PCNX2: variants seen among roughly 807,000 people sequenced by gnomAD.
The protein encoded by PCNX2 is pecanex 2.
In PCNX2, 168 loss-of-function variants were observed where a neutral mutation model predicts 223.8. That is an observed-to-expected ratio of 0.75 (90% CI 0.66 to 0.85). The LOEUF (loss-of-function observed/expected upper bound fraction) is 0.85. Among genes scored for constraint, PCNX2 ranks in the 40% least tolerant of loss-of-function variants. The pLI is 0.00. For synonymous variants in PCNX2, 1,006 were observed against 1,052.6 expected (o/e 0.96, Z 0.86); for missense variants, 2,507 against 2,675.5 (o/e 0.94, Z 1.39).
chr1:233,294,207 C>G (rs72751906), intron 1 of PCNX2, among the ~76,000 whole-genome samples: 2,242 of 152,284 alleles, frequency 0.015, 23 homozygotes, highest in Non-Finnish European at 0.024. Context: ...CAGGTCAAGA[C>G]AGACCTGTGG....
chr1:233,174,384 T>C (rs1558309912), intron 17 of PCNX2, among the ~76,000 whole-genome samples: 1 of 148,882 alleles, frequency 6.7e-6, no homozygotes, highest in African/African-American at 2.4e-5. Context: ...AAAATTTATA[T>C]ATAAATTTAT....
At chr1:233,225,969 G>GT (rs1558365354) in intron 10 of PCNX2, among the ~76,000 whole-genome samples, 2 of 152,062 alleles carry the variant, frequency 1.3e-5, no homozygotes, top group African/African-American at 4.8e-5. Context: ...CATGACTATA[G>GT]TTTTTTTCAT....
chr1:233,077,470 C>T (rs1558209545), intron 23 of PCNX2, among the ~76,000 whole-genome samples: 1 of 152,230 alleles, frequency 6.6e-6, no homozygotes, highest in African/African-American at 2.4e-5. Flanking sequence ...CCAGTGATAA[C>T]GTTAACTATC....
At chr1:232,992,168 C>T (rs1438319987) in intron 32 of PCNX2, among the ~76,000 whole-genome samples, 1 of 152,208 alleles carries the variant, frequency 6.6e-6, no homozygotes, top group Non-Finnish European at 1.5e-5. Context: ...TGACCCTCTG[C>T]TGGGGATAAA....
intron 17 of PCNX2, among the ~76,000 whole-genome samples, chr1:233,174,679 A>G (rs1438534278): frequency 6.6e-6 from 1 of 152,180 alleles, no homozygotes; most frequent in Admixed American, 6.5e-5. Flanking sequence ...AAGAAAATTG[A>G]TACAGTGAAA....
At chr1:233,100,577 T>G (rs1674433697) in intron 21 of PCNX2, among the ~76,000 whole-genome samples, 1 of 152,140 alleles carries the variant, frequency 6.6e-6, no homozygotes, top group African/African-American at 2.4e-5. Context: ...AGATAGTAAA[T>G]ACACAAACCA....
intron 21 of PCNX2, chr1:233,125,759 T>A (rs1571922802): frequency 6.6e-6 from 1 of 152,194 alleles, no homozygotes; most frequent in Non-Finnish European, 1.5e-5. Flanking sequence ...AACAATGCTA[T>A]AAATGTAGAA....
chr1:233,053,885 G>C (rs1416203030), intron 25 of PCNX2, among the ~76,000 whole-genome samples: 2 of 152,138 alleles, frequency 1.3e-5, no homozygotes, highest in Admixed American at 6.5e-5. Flanking sequence ...GACCTTAAAT[G>C]ATTTGCACGC....
intron 8 of PCNX2, among the ~76,000 whole-genome samples, chr1:233,245,116 C>G (rs1009889007): frequency 6.6e-6 from 1 of 152,266 alleles, no homozygotes; most frequent in African/African-American, 2.4e-5. Flanking sequence ...CTGTCCCTCA[C>G]CCCAGAACTC....
At chr1:233,119,302 G>C (rs1015999139) in intron 21 of PCNX2, among the ~76,000 whole-genome samples, 24 of 146,804 alleles carry the variant, frequency 1.6e-4, no homozygotes, top group African/African-American at 6.0e-4. Flanking sequence ...GCTCATGCCT[G>C]TAATCACAGC....
intron 10 of PCNX2, 25 bp from the exon 11 acceptor site, chr1:233,218,209 C>CCA: frequency 7.4e-6 from 2 of 272,090 alleles, no homozygotes; most frequent in Non-Finnish European, 1.1e-5. Context: ...TACATAAAAG[C>CCA]AAAAAAAAAA....
chr1:233,169,394 C>T (rs1395107618), intron 17 of PCNX2, among the ~76,000 whole-genome samples: 1 of 151,628 alleles, frequency 6.6e-6, no homozygotes, highest in Non-Finnish European at 1.5e-5. Flanking sequence ...CGCCTGTAAT[C>T]CCAGCACTTT....
At position 233,031,458 on chromosome 1, in the gene PCNX2, T is replaced by C. The variant is rs963100794; in HGVS notation, c.4352-6059A>G. 3.3e-5 allele frequency among the ~76,000 whole-genome samples: 5 copies of C among 152,338 alleles called. No individual in the cohort carries two copies. The East Asian group carries it at 7.7e-4, about 24-fold the overall frequency. Reference sequence around the variant, plus strand: ...AGATCTCTGTCTGAACAGGCACCAATTGAGGAACTCCATAGCAGTATATTG... The same window carrying C: ...AGATCTCTGTCTGAACAGGCACCAACTGAGGAACTCCATAGCAGTATATTG... On this transcript the variant is annotated intron_variant, in intron 25 of 33. Transcript: ENST00000258229.
intron 23 of PCNX2, chr1:233,086,864 C>T: frequency 4.1e-6 from 1 of 241,870 alleles, no homozygotes. Context: ...CTCCGTTTTC[C>T]TCAGGCACAA....
At position 232,999,266 on chromosome 1, in the gene PCNX2, C is replaced by T; in HGVS notation, c.5442G>A (p.Arg1814=). The T allele has an allele frequency of 6.2e-7, 1 of 1,613,224 alleles. No individual in the cohort carries two copies. Residue 1814 remains arginine, a synonymous_variant, in exon 31 of 34, where the codon CGG becomes CGA. Coordinates refer to ENST00000258229, the MANE Select transcript of PCNX2 (RefSeq NM_014801.4). The part of the protein sequence containing the change: ...GSIQNNKQVL[R]NLINSSCDQP... ...GATCGCAGGAGGAGTTAATCAAGTTCCGCAGGACCTGCTTATTGTTCTGGA... is the reference window on the plus strand; with the variant it reads ...GATCGCAGGAGGAGTTAATCAAGTTTCGCAGGACCTGCTTATTGTTCTGGA...
chr1:233,301,382 G>A, the PCNX2 span, among the ~76,000 whole-genome samples: 1 of 152,158 alleles, frequency 6.6e-6, no homozygotes, highest in Admixed American at 6.6e-5. Flanking sequence ...ACTATCATAT[G>A]CAAATGCTTT....
intron 21 of PCNX2, among the ~76,000 whole-genome samples, chr1:233,122,113 G>A (rs879261845): frequency 8.9e-6 from 1 of 111,890 alleles, no homozygotes; most frequent in Non-Finnish European, 2.1e-5. Context: ...CACACAGAGG[G>A]AGAGAGAGAG....
At chr1:233,012,288 T>C (rs866972272) in intron 28 of PCNX2, among the ~76,000 whole-genome samples, 1 of 152,168 alleles carries the variant, frequency 6.6e-6, no homozygotes, top group Non-Finnish European at 1.5e-5. Flanking sequence ...CAGCTGTTGG[T>C]TGAAGAGCGG....
Position 233,293,361 on chromosome 1 carries a change from G to A in PCNX2, c.153+1965C>T, listed in dbSNP as rs534998176. ...AGAGACACACAAGTTAATTATATAT[G>A]AGATCAGTGTTACCAAATGCAGAGC... On this transcript the variant is annotated intron_variant, in intron 1 of 33. Coordinates refer to ENST00000258229, the MANE Select transcript of PCNX2 (RefSeq NM_014801.4). 5.3e-5 allele frequency among the ~76,000 whole-genome samples: 8 copies of A among 152,308 alleles called. No individual in the cohort carries two copies. The South Asian group carries it at 1.7e-3, about 32-fold the overall frequency.
Sources: allele counts gnomAD v4.1 joint callset (sites outside exome capture counted in the v4.1 genomes callset), GRCh38; gene constraint gnomAD v4.1.1; transcripts MANE v1.5; gene names NCBI Gene and HGNC (gene_info 2026-07-23, HGNC 2026-07-21).